Variants in PRKG1 observed in about 807,000 individuals in gnomAD.
The protein encoded by PRKG1 is protein kinase cGMP-dependent 1.
In PRKG1, 35 loss-of-function variants were observed where a neutral mutation model predicts 88.1. That is an observed-to-expected ratio of 0.40 (90% CI 0.30 to 0.53). PRKG1 has a LOEUF of 0.53. Ranked by LOEUF, PRKG1 falls within the 20% of genes least tolerant of loss-of-function variation. The probability of loss-of-function intolerance (pLI) is 0.59; values close to 1 mark genes in which losing one functional copy is unlikely to be tolerated. For missense variants in PRKG1, 540 were observed against 839.8 expected (o/e 0.64, Z 4.41); for synonymous variants, 303 against 292.5 (o/e 1.04, Z -0.37).
chr10:51,660,041 G>A (rs372177729), intron 3 of PRKG1, among the ~76,000 whole-genome samples: 36 of 150,912 alleles, frequency 2.4e-4, no homozygotes, highest in African/African-American at 2.4e-4. Flanking sequence ...GAGATATGTC[G>A]CTCTATAGAA....
intron 3 of PRKG1, among the ~76,000 whole-genome samples, chr10:51,560,699 T>C (rs2132147624): frequency 6.6e-6 from 1 of 152,122 alleles, no homozygotes; most frequent in Admixed American, 6.5e-5. Flanking sequence ...AAATATTTTA[T>C]ATATAATTAA....
intron 2 of PRKG1, among the ~76,000 whole-genome samples, chr10:51,297,695 A>T (rs889917888): frequency 1.3e-5 from 2 of 151,496 alleles, no homozygotes; most frequent in African/African-American, 4.9e-5. Flanking sequence ...CTAATTATTC[A>T]CTGATCAATC....
At chr10:51,680,015 C>G (rs1239918079) in intron 3 of PRKG1, among the ~76,000 whole-genome samples, 1 of 152,118 alleles carries the variant, frequency 6.6e-6, no homozygotes, top group Non-Finnish European at 1.5e-5. Flanking sequence ...TACCTACAAC[C>G]TCCCCCTTCC....
chr10:51,135,184 T>C (rs1011836295), intron 1 of PRKG1, among the ~76,000 whole-genome samples: 2 of 152,188 alleles, frequency 1.3e-5, no homozygotes, highest in Admixed American at 6.5e-5. Context: ...CAGTGGAGGA[T>C]GTCTGGGAAA....
chr10:51,286,640 A>G (rs980947578), intron 2 of PRKG1, among the ~76,000 whole-genome samples: 12 of 152,350 alleles, frequency 7.9e-5, no homozygotes, highest in African/African-American at 2.6e-4. Flanking sequence ...AAATGATCAG[A>G]TAACTGTAGT....
intron 5 of PRKG1, among the ~76,000 whole-genome samples, chr10:51,914,638 AC>A (rs1188311293): frequency 6.6e-6 from 1 of 152,142 alleles, no homozygotes; most frequent in African/African-American, 2.4e-5. Context: ...TCCCTTTAAA[AC>A]ATTTGATTAG....
At chr10:51,421,329 T>A (rs1340007842) in intron 2 of PRKG1, among the ~76,000 whole-genome samples, 2 of 152,094 alleles carry the variant, frequency 1.3e-5, no homozygotes, top group African/African-American at 4.8e-5. Context: ...CATGTCACCA[T>A]GCCTAGCTAA....
chr10:52,022,005 T>G (rs1845198901), intron 5 of PRKG1, among the ~76,000 whole-genome samples: 1 of 152,188 alleles, frequency 6.6e-6, no homozygotes. Context: ...CAGTCCTCAT[T>G]GTTCAACTTA....
intron 9 of PRKG1, among the ~76,000 whole-genome samples, chr10:52,203,289 AGC>A: frequency 6.6e-6 from 1 of 152,134 alleles, no homozygotes; most frequent in African/African-American, 2.4e-5. Context: ...GTAAATCAGG[AGC>A]ATGTTGTTTA....
At chr10:51,023,041 A>G (rs957443708) in intron 1 of PRKG1, among the ~76,000 whole-genome samples, 4 of 152,170 alleles carry the variant, frequency 2.6e-5, no homozygotes, top group African/African-American at 9.6e-5. Flanking sequence ...TATCCACAGC[A>G]TGCAATCAGA....
At chr10:51,303,152 A>G (rs764501050) in intron 2 of PRKG1, among the ~76,000 whole-genome samples, 2 of 152,316 alleles carry the variant, frequency 1.3e-5, no homozygotes, top group African/African-American at 2.4e-5. Flanking sequence ...CACAAGGGAC[A>G]TAAATGTAAG....
chr10:51,096,507 T>A (rs1482755821), intron 1 of PRKG1, among the ~76,000 whole-genome samples: 1 of 152,068 alleles, frequency 6.6e-6, no homozygotes, highest in Admixed American at 6.5e-5. Context: ...TTGTGCCCTT[T>A]ACCTCTCTAC....
chr10:51,453,510 G>A (rs539191719), intron 2 of PRKG1, among the ~76,000 whole-genome samples: 9 of 151,910 alleles, frequency 5.9e-5, no homozygotes, highest in Admixed American at 4.6e-4. Context: ...GATAAGTTGT[G>A]TACTATTATC....
chr10:51,858,987 C>T (rs1392160720), intron 4 of PRKG1, among the ~76,000 whole-genome samples: 1 of 152,112 alleles, frequency 6.6e-6, no homozygotes, highest in African/African-American at 2.4e-5. Context: ...GTATCTCTAA[C>T]ACAATGCACT....
intron 3 of PRKG1, among the ~76,000 whole-genome samples, chr10:51,684,301 A>G (rs1840929809): frequency 6.6e-6 from 1 of 152,178 alleles, no homozygotes; most frequent in Admixed American, 6.5e-5. Flanking sequence ...TAGTGAGGAA[A>G]AGTAGAACAG....
chr10:51,410,701 A>T (rs1453142666), intron 2 of PRKG1, among the ~76,000 whole-genome samples: 1 of 152,318 alleles, frequency 6.6e-6, no homozygotes, highest in South Asian at 2.1e-4. Context: ...AACAAGTATG[A>T]TAATTTGCAT....
intron 5 of PRKG1, among the ~76,000 whole-genome samples, chr10:52,053,505 T>C (rs1210596670): frequency 1.3e-5 from 2 of 152,200 alleles, no homozygotes; most frequent in Admixed American, 1.3e-4. Flanking sequence ...CAAAATAATG[T>C]TTTATTTCCC....
intron 1 of PRKG1, among the ~76,000 whole-genome samples, chr10:51,006,968 T>G (rs970199657): frequency 2.0e-5 from 3 of 148,642 alleles, no homozygotes; most frequent in African/African-American, 7.5e-5. Context: ...AGATGGCGTC[T>G]TGTTTTGTCA....
chr10:51,904,155 A>G (rs1283182362), intron 4 of PRKG1, among the ~76,000 whole-genome samples: 1 of 152,160 alleles, frequency 6.6e-6, no homozygotes, highest in Non-Finnish European at 1.5e-5. Flanking sequence ...GCCTATTGCA[A>G]GTCCTTAGGG....
Sources: gnomAD v4.1 joint callset for allele counts (sites outside exome capture counted in the v4.1 genomes callset) on GRCh38, gnomAD v4.1.1 for gene constraint, MANE v1.5 for transcripts, NCBI Gene and HGNC (gene_info 2026-07-23, HGNC 2026-07-21) for gene names.